The following AHCTF1 variants were observed in gnomAD, a reference collection of about 807,000 sequenced individuals.
AHCTF1 encodes the protein protein ELYS.
Under a neutral mutation model 248.4 loss-of-function variants are expected in AHCTF1, and 24 were observed. The ratio of observed to expected loss-of-function variants is 0.10; its 90% CI spans 0.07 to 0.14. The LOEUF is 0.14. Among genes scored for constraint, AHCTF1 ranks in the 10% least tolerant of loss-of-function variants. AHCTF1 has a pLI of 1.00. For missense variants in AHCTF1, 2,206 were observed against 2,636.2 expected, an observed-to-expected ratio of 0.84 and a Z score of 3.57; for synonymous variants, 786 against 929.8, an observed-to-expected ratio of 0.85 and a Z score of 2.81.
chr1:246,918,058 C>T (rs1352533133), intron 2 of AHCTF1, among the ~76,000 whole-genome samples, 192 bp downstream of exon 2: 1 of 152,020 alleles, frequency 6.6e-6, no homozygotes, highest in Non-Finnish European at 1.5e-5. Flanking sequence ...TATAACCCCC[C>T]CAATCAGAGG....
At chr1:246,878,073 C>G (rs1297291124) in intron 21 of AHCTF1, among the ~76,000 whole-genome samples, 1 of 151,436 alleles carries the variant, frequency 6.6e-6, no homozygotes, top group African/African-American at 2.4e-5. Flanking sequence ...ACAGAAACAC[C>G]AGCAAAAATT....
chr1:246,869,776 C>T (rs1779977), intron 24 of AHCTF1, among the ~76,000 whole-genome samples: 67,222 of 151,954 alleles, frequency 0.44, 15,150 homozygotes, highest in African/African-American at 0.51. Flanking sequence ...ACCCAGGAGC[C>T]CTGATGATGT....
chr1:246,858,140 T>C (rs928243109), intron 29 of AHCTF1, among the ~76,000 whole-genome samples: 2 of 152,010 alleles, frequency 1.3e-5, no homozygotes, highest in Admixed American at 1.3e-4. Flanking sequence ...TTTGTATTTT[T>C]AGTAGAGACG....
chr1:246,905,830 T>C (rs563118985), intron 5 of AHCTF1, among the ~76,000 whole-genome samples, 173 bp from the exon 6 acceptor site: 1 of 152,226 alleles, frequency 6.6e-6, no homozygotes, highest in African/African-American at 2.4e-5. Context: ...GCACAAGACA[T>C]CAAGACTATG....
intron 19 of AHCTF1, 99 bp downstream of exon 19, chr1:246,888,078 A>T (rs1663954202): frequency 7.3e-7 from 1 of 1,373,652 alleles, no homozygotes; most frequent in Admixed American, 2.1e-5. Context: ...AACAAAACCA[A>T]AATTCAACCT....
At chr1:246,872,918 G>A (rs536177331) in intron 24 of AHCTF1, among the ~76,000 whole-genome samples, 9 of 152,274 alleles carry the variant, frequency 5.9e-5, no homozygotes, top group Admixed American at 3.3e-4. Context: ...TTAACCTAGA[G>A]ACCGGGTTCA....
In AHCTF1 at chr1:246,920,356, T is replaced by A. The variant is rs139627532; in HGVS notation, c.-7-1979A>T. On this transcript the variant is annotated intron_variant, in intron 1 of 35. Coordinates refer to ENST00000648844, the MANE Select transcript of AHCTF1 (RefSeq NM_001323342.2). ...ATGTTAAAGGAAAAATCAAGTAGAT[T>A]TGAAAAAATTTCTAAAAATGAAAAA... Among the ~76,000 whole-genome samples the A allele has an allele frequency of 3.2e-3, 488 of 152,082 alleles. 2 individuals are homozygous for A. Among genetic ancestry groups the A allele is most frequent in the Non-Finnish European group, 5.6e-3 (379 of 67,996 alleles).
At chr1:246,929,432 A>AATAAAAATAAAT (rs1469045861) in intron 1 of AHCTF1, among the ~76,000 whole-genome samples, 3 of 151,836 alleles carry the variant, frequency 2.0e-5, no homozygotes, top group African/African-American at 7.3e-5. Context: ...TAAAAATAAA[A>AATAAAAATAAAT]ATACAGTGAA....
chr1:246,852,155 A>ACATT (rs1204234667), intron 32 of AHCTF1: 1 of 152,542 alleles, frequency 6.6e-6, no homozygotes, highest in Non-Finnish European at 1.5e-5. Flanking sequence ...CACTCCCCAA[A>ACATT]CATTCAGTGA....
rs1289386549 is a variant in AHCTF1, at chr1:246,889,913, C to G, written c.2144+53G>C. Reference sequence around the variant, plus strand: ...ACTTTGTAAAACGATGAACACTATTCTGAGAAACTTTGACTTCTTACAGAT... The same window carrying G: ...ACTTTGTAAAACGATGAACACTATTGTGAGAAACTTTGACTTCTTACAGAT... On this transcript the variant is annotated intron_variant, in intron 17 of 35. Transcript: ENST00000648844. 11 of 1,361,494 alleles carry G rather than the reference C, an allele frequency of 8.1e-6. No homozygotes were observed. In the East Asian group the frequency reaches 2.5e-4, roughly 31 times the overall value. The allele number at this position is 1,361,494 out of a possible 1,614,324, so 84.3% of individuals were successfully genotyped here.
chr1:246,869,684 T>C (rs1662426125), intron 24 of AHCTF1, among the ~76,000 whole-genome samples: 2 of 152,042 alleles, frequency 1.3e-5, no homozygotes, highest in African/African-American at 4.8e-5. Context: ...TTACCGAATA[T>C]TTTAAGCCTA....
At chr1:246,910,275 T>C (rs560257366) in intron 4 of AHCTF1, among the ~76,000 whole-genome samples, 101 of 152,348 alleles carry the variant, frequency 6.6e-4, no homozygotes, top group African/African-American at 2.2e-3. Flanking sequence ...AGGATTGCTG[T>C]ACGTTCAAGG....
chr1:246,876,814 G>A, intron 23 of AHCTF1, 136 bp downstream of exon 23: 11 of 1,069,148 alleles, frequency 1.0e-5, no homozygotes, highest in Non-Finnish European at 1.5e-5. Context: ...TTACAGAGAT[G>A]AACTGAGGAT....
intron 26 of AHCTF1, 69 bp from the exon 27 acceptor site, chr1:246,864,185 A>G (rs959857788): frequency 1.4e-5 from 20 of 1,443,054 alleles, no homozygotes; most frequent in Non-Finnish European, 1.9e-5. Flanking sequence ...CCATTTAATC[A>G]GACCTCTATA....
At chr1:246,894,457 C>A (rs1185050069) in intron 14 of AHCTF1, among the ~76,000 whole-genome samples, 2 of 151,928 alleles carry the variant, frequency 1.3e-5, no homozygotes, top group Non-Finnish European at 2.9e-5. Context: ...AGGAGAATGG[C>A]GTTTGAACCC....
At chr1:246,879,460 G>A (rs1319946264) in intron 21 of AHCTF1, among the ~76,000 whole-genome samples, 1 of 152,074 alleles carries the variant, frequency 6.6e-6, no homozygotes, top group East Asian at 1.9e-4. Context: ...TGCATTACGT[G>A]GTTACTCATC....
In AHCTF1 at chr1:246,842,843, A is replaced by G. The variant is rs1041519856; in HGVS notation, c.6526-67T>C. On this transcript the variant is annotated intron_variant, in intron 34 of 35. Coordinates refer to ENST00000648844, the MANE Select transcript of AHCTF1 (RefSeq NM_001323342.2). ...ATCCAATTTTAAAACTTCTATCCTG[A>G]GACAAGGAATACTAGAGCCAAACAC... 11 of 1,398,174 alleles carry G rather than the reference A, an allele frequency of 7.9e-6. No homozygotes were observed. In the Admixed American group the frequency reaches 1.6e-4, roughly 20 times the overall value. The allele number at this position is 1,398,174 out of a possible 1,614,324, so 86.6% of individuals were successfully genotyped here. A position where few individuals can be genotyped will look rare whatever the true frequency, so the allele number is the denominator to read the frequency against.
intron 35 of AHCTF1, among the ~76,000 whole-genome samples, 199 bp from the exon 36 acceptor site, chr1:246,841,197 G>A (rs1659841014): frequency 6.6e-6 from 1 of 151,986 alleles, no homozygotes; most frequent in African/African-American, 2.4e-5. Flanking sequence ...TTCATTAAGG[G>A]GAATTTTTTC....
chr1:246,926,384 T>C (rs1276012998), intron 1 of AHCTF1, among the ~76,000 whole-genome samples: 1 of 152,176 alleles, frequency 6.6e-6, no homozygotes, highest in East Asian at 1.9e-4. Context: ...TATCCAAGCT[T>C]CTAGAAAAGA....
Sources: allele counts gnomAD v4.1 joint callset (sites outside exome capture counted in the v4.1 genomes callset), GRCh38; gene constraint gnomAD v4.1.1; transcripts MANE v1.5; gene names NCBI Gene and HGNC (gene_info 2026-07-23, HGNC 2026-07-21).